NRG1: variants seen among roughly 807,000 people sequenced by gnomAD.
NRG1 encodes pro-neuregulin-1, membrane-bound isoform.
In NRG1, 18 loss-of-function variants were observed where a neutral mutation model predicts 63.8. The ratio of observed to expected loss-of-function variants is 0.28; its 90% CI spans 0.19 to 0.42. The LOEUF is 0.42. Ranked by LOEUF, NRG1 falls within the 10% of genes least tolerant of loss-of-function variation. The probability of loss-of-function intolerance (pLI) is 1.00; values close to 1 mark genes in which losing one functional copy is unlikely to be tolerated. For synonymous variants in NRG1, 302 were observed against 301.3 expected (o/e 1.00, Z -0.02); for missense variants, 762 against 814.7 (o/e 0.94, Z 0.79).
chr8:32,676,590 AG>A (rs1328036866), intron 5 of NRG1, among the ~76,000 whole-genome samples: 6 of 152,170 alleles, frequency 3.9e-5, no homozygotes, highest in South Asian at 2.1e-4. Context: ...TTAGCTGTGA[AG>A]GTTAAATGAG....
rs574482765 is a variant in NRG1, at chr8:32,155,730, C to G, written c.38-440098C>G. On this transcript the variant is annotated intron_variant, in intron 1 of 10. Transcript: ENST00000519301. The stretch of plus-strand genomic sequence containing the variant: ...ACTGTATGTCACCATATCTCTTCCT[C>G]TCATTGAATCTGATCGTATTCTAAT... 1.7e-4 allele frequency among the ~76,000 whole-genome samples: 26 copies of G among 152,310 alleles called. No individual in the cohort carries two copies. The East Asian group carries it at 4.3e-3, about 25-fold the overall frequency.
At chr8:31,830,083 A>G (rs1824957781) in intron 1 of NRG1, among the ~76,000 whole-genome samples, 2 of 152,112 alleles carry the variant, frequency 1.3e-5, no homozygotes, top group African/African-American at 2.4e-5. Flanking sequence ...TATAGCAGCC[A>G]CTCTTTGCCA....
chr8:31,998,629 T>A (rs865946062), intron 1 of NRG1, among the ~76,000 whole-genome samples: 1 of 152,000 alleles, frequency 6.6e-6, no homozygotes, highest in Non-Finnish European at 1.5e-5. Context: ...CTTTACACAA[T>A]GGTGAGAATA....
rs576129615 is a variant in NRG1 at position 31,709,071 on chromosome 8, A to G, written c.37+69640A>G. 2.2e-4 allele frequency among the ~76,000 whole-genome samples: 33 copies of G among 151,804 alleles called. 2 individuals carry two copies. Among genetic ancestry groups the G allele is most frequent in the Non-Finnish European group, 1.5e-5 (1 of 67,946 alleles). ...AAATCTCCAAGCAATTTTTATGTAT[A>G]TTTATTTTTTAAAATCTGCATAAAA... On this transcript the variant is annotated intron_variant, in intron 1 of 10. Transcript: ENST00000519301.
At chr8:32,085,978 C>T (rs1586996006) in intron 1 of NRG1, among the ~76,000 whole-genome samples, 2 of 152,260 alleles carry the variant, frequency 1.3e-5, no homozygotes, top group African/African-American at 2.4e-5. Flanking sequence ...TTCCATGCAC[C>T]GTGCTCCTTA....
intron 1 of NRG1, among the ~76,000 whole-genome samples, chr8:31,860,191 A>G (rs1828341860): frequency 6.6e-6 from 1 of 152,208 alleles, no homozygotes; most frequent in South Asian, 2.1e-4. Flanking sequence ...GCTTTGTGAT[A>G]TAGTCTCCAA....
At chr8:31,683,329 G>A (rs940445239) in intron 1 of NRG1, among the ~76,000 whole-genome samples, 2 of 152,000 alleles carry the variant, frequency 1.3e-5, no homozygotes, top group African/African-American at 4.8e-5. Context: ...AAAAATTGTG[G>A]TACACCTAGA....
At chr8:32,611,215 G>A (rs986305944) in intron 3 of NRG1, among the ~76,000 whole-genome samples, 1 of 151,968 alleles carries the variant, frequency 6.6e-6, no homozygotes, top group Admixed American at 6.6e-5. Flanking sequence ...TCCCACAGGA[G>A]CAATTGGGCT....
intron 1 of NRG1, among the ~76,000 whole-genome samples, chr8:31,751,709 T>G (rs933530889): frequency 2.0e-5 from 3 of 151,768 alleles, no homozygotes; most frequent in Non-Finnish European, 4.4e-5. Context: ...GTAGCTTAGA[T>G]GGATGTTTGT....
At chr8:32,214,607 C>T (rs1845026211) in intron 1 of NRG1, among the ~76,000 whole-genome samples, 1 of 151,952 alleles carries the variant, frequency 6.6e-6, no homozygotes, top group Admixed American at 6.6e-5. Context: ...TGCACCACTG[C>T]ATTCCATCCT....
intron 1 of NRG1, among the ~76,000 whole-genome samples, chr8:32,203,298 T>C (rs1843684916): frequency 6.7e-6 from 1 of 149,682 alleles, no homozygotes; most frequent in African/African-American, 2.5e-5. Context: ...GAAAGGAATC[T>C]ACGGAGTGTG....
chr8:32,641,837 C>T (rs1179304057), intron 5 of NRG1, among the ~76,000 whole-genome samples: 1 of 152,080 alleles, frequency 6.6e-6, no homozygotes, highest in Non-Finnish European at 1.5e-5. Context: ...AAAAGACATG[C>T]CCAGGAAGGT....
chr8:32,646,772 C>G (rs1853636538), intron 5 of NRG1: 1 of 985,258 alleles, frequency 1.0e-6, no homozygotes, highest in East Asian at 1.1e-4. Context: ...GATTTGATGG[C>G]CTTTATTCCT....
chr8:32,103,720 G>T (rs1195053465), intron 1 of NRG1, among the ~76,000 whole-genome samples: 1 of 152,154 alleles, frequency 6.6e-6, no homozygotes, highest in South Asian at 2.1e-4. Context: ...GCAGCTTGAT[G>T]CAATGCAGTG....
At chr8:31,915,631 A>G (rs1475140834) in intron 1 of NRG1, among the ~76,000 whole-genome samples, 2 of 152,268 alleles carry the variant, frequency 1.3e-5, no homozygotes, top group South Asian at 4.1e-4. Flanking sequence ...GGTAGTTATA[A>G]AAAGTACACA....
intron 5 of NRG1, among the ~76,000 whole-genome samples, chr8:32,692,647 G>T (rs770480822): frequency 2.6e-5 from 4 of 152,002 alleles, no homozygotes; most frequent in Admixed American, 1.3e-4. Context: ...TGATTACTTC[G>T]GGCCCAAATG....
chr8:32,263,956 G>T (rs528063818), intron 1 of NRG1, among the ~76,000 whole-genome samples: 1 of 152,262 alleles, frequency 6.6e-6, no homozygotes, highest in East Asian at 1.9e-4. Context: ...AGAAACTGAG[G>T]AGACCCTAGG....
intron 1 of NRG1, among the ~76,000 whole-genome samples, chr8:31,794,019 T>C (rs1187381186): frequency 6.6e-6 from 1 of 152,184 alleles, no homozygotes; most frequent in Non-Finnish European, 1.5e-5. Flanking sequence ...GATCAGCTGT[T>C]TTTATACTTC....
chr8:32,044,930 A>AAAAAAAAAAAAAAAAAAAAAAAAAAAAC (rs1554610208), intron 1 of NRG1, among the ~76,000 whole-genome samples: 1 of 137,034 alleles, frequency 7.3e-6, no homozygotes, highest in African/African-American at 2.8e-5. Flanking sequence ...AAAAAAAAAA[A>AAAAAAAAAAAAAAAAAAAAAAAAAAAAC]ACACACACAC....
Sources: allele counts gnomAD v4.1 joint callset (sites outside exome capture counted in the v4.1 genomes callset), GRCh38; gene constraint gnomAD v4.1.1; transcripts MANE v1.5; gene names NCBI Gene and HGNC (gene_info 2026-07-23, HGNC 2026-07-21).